Variants in DHODH observed in about 807,000 individuals in gnomAD.
DHODH encodes the protein dihydroorotate dehydrogenase (quinone), mitochondrial.
Under a neutral mutation model 39.7 loss-of-function variants are expected in DHODH, and 30 were observed. The ratio of observed to expected loss-of-function variants is 0.76; its 90% CI spans 0.57 to 1.02. DHODH has a LOEUF of 1.02. Among genes scored for constraint, DHODH ranks in the 50% least tolerant of loss-of-function variants. DHODH has a pLI of 0.00. For synonymous variants in DHODH, 222 were observed against 213.8 expected (o/e 1.04, Z -0.34); for missense variants, 531 against 520.8 (o/e 1.02, Z -0.19).
Position 72,023,471 on chromosome 16 carries a change from T to C in DHODH, c.974-3T>C. 6.2e-7 allele frequency: 1 copy of C among 1,614,146 alleles called. No homozygotes were observed. The highest frequency in any genetic ancestry group is 1.1e-5 in the South Asian group (1 of 91,084). ...TATGGTGTCGCCATGTGCTTCTCTG[T>C]AGGCCGAGTTCCCATAATTGGGGTT... On this transcript the variant is annotated splice_polypyrimidine_tract_variant and splice_region_variant and intron_variant, in intron 7 of 8. Transcript: ENST00000219240.
At chr16:72,016,608 G>A (rs533732239) in intron 3 of DHODH, 53 of 321,692 alleles carry the variant, frequency 1.6e-4, no homozygotes, top group South Asian at 1.4e-3. Flanking sequence ...GAGAGGGAGC[G>A]TTTGCTCTGA....
At position 72,008,754 on chromosome 16, in the gene DHODH, A is replaced by G. The variant is rs755565137; in HGVS notation, c.-11A>G. 100 of 1,551,484 alleles carry G rather than the reference A, an allele frequency of 6.4e-5. No individual in the cohort carries two copies. The highest frequency in any genetic ancestry group is 8.5e-5 in the Non-Finnish European group (97 of 1,146,982). On this transcript the variant is annotated 5_prime_UTR_variant, in exon 1 of 9. Transcript: ENST00000219240. ...AAGGGAGACAGGGGCGGGCTTAATG[A>G]CGGAAGGAGCATGGCGTGGAGACAC...
chr16:72,016,850 G>A, intron 3 of DHODH, 174 bp from the exon 4 acceptor site: 1 of 664,978 alleles, frequency 1.5e-6, no homozygotes, highest in African/African-American at 1.8e-5. Context: ...CTTTCCCTGG[G>A]TATTGGATGG....
At chr16:72,014,377 T>G (rs2041116504) in intron 2 of DHODH, 96 bp from the exon 3 acceptor site, 2 of 1,275,818 alleles carry the variant, frequency 1.6e-6, no homozygotes, top group Admixed American at 3.5e-5. Flanking sequence ...TTCACAAGCT[T>G]CCCAGGTCAT....
intron 3 of DHODH, 147 bp from the exon 4 acceptor site, chr16:72,016,877 C>T (rs2041147035): frequency 6.8e-6 from 5 of 734,476 alleles, no homozygotes; most frequent in Non-Finnish European, 1.2e-5. Flanking sequence ...GGCAAGTTCT[C>T]TAGGAGTCCC....
At position 72,024,549 on chromosome 16, in the gene DHODH, G is replaced by A. The variant is rs930830116; in HGVS notation, c.*350G>A. 6.4e-5 allele frequency: 24 copies of A among 377,490 alleles called. No homozygotes were observed. Among genetic ancestry groups the A allele is most frequent in the South Asian group, 5.0e-4 (20 of 40,130 alleles). 23.4% of individuals were successfully genotyped at this position (377,490 alleles called of 1,614,324 possible). On this transcript the variant is annotated 3_prime_UTR_variant, in exon 9 of 9. Transcript: ENST00000219240. ...TCTGGTTTGCCATAGGCCCTGCCAA[G>A]ATACTGCAGGTCCATCCAGGCCTCT...
At chr16:72,013,162 CTCT>C (rs67332755) in intron 2 of DHODH, among the ~76,000 whole-genome samples, 18,503 of 152,038 alleles carry the variant, frequency 0.12, 1,991 homozygotes, top group African/African-American at 0.3. Flanking sequence ...CCTTAGACTC[CTCT>C]TCACTATCTG....
rs769420197 is a variant in DHODH at position 72,014,689 on chromosome 16, G to C, written c.434+17G>C. The C allele has an allele frequency of 4.3e-6, 7 of 1,613,502 alleles. No homozygotes were observed. Among genetic ancestry groups the C allele is most frequent in the Middle Eastern group, 1.7e-4 (1 of 5,892 alleles). On this transcript the variant is annotated intron_variant, in intron 3 of 8. Transcript: ENST00000219240. ...CATTAACAGGTAGGTGAGCGGCCCAGAGTTAACGGGGGATGCCCTCTTTCC... is the reference window on the plus strand; with the variant it reads ...CATTAACAGGTAGGTGAGCGGCCCACAGTTAACGGGGGATGCCCTCTTTCC...
At position 72,014,649 on chromosome 16, in the gene DHODH, T is replaced by C. The variant is rs2143976804; in HGVS notation, c.411T>C (p.Pro137=). Residue 137 remains proline (P), a synonymous_variant, in exon 3 of 9, where the codon CCT becomes CCC. Transcript: ENST00000219240. ...GNPRPRVFRL[P]EDQAVINRYG... ...CTAGACCCAGAGTCTTCCGCCTCCC[T>C]GAGGACCAAGCTGTCATTAACAGGT... The C allele has an allele frequency of 6.2e-7, 1 of 1,614,138 alleles. No individual in the cohort carries two copies. Among genetic ancestry groups the C allele is most frequent in the Non-Finnish European group, 8.5e-7 (1 of 1,180,010 alleles).
Position 72,023,199 on chromosome 16 carries a change from C to G in DHODH, c.854C>G (p.Thr285Ser), listed in dbSNP as rs1264755994. The G allele has an allele frequency of 6.2e-7, 1 of 1,614,196 alleles. No individual in the cohort carries two copies. Among genetic ancestry groups the G allele is most frequent in the Admixed American group, 1.7e-5 (1 of 60,026 alleles). The change falls in exon 7 of 9, where the codon ACC becomes AGC. Residue 285 changes from threonine (T) to serine (S), a missense_variant. By Grantham distance (58) the Thr-to-Ser change is moderately conservative. Coordinates refer to ENST00000219240, the MANE Select transcript of DHODH (RefSeq NM_001361.5). ...GATGGGCTGATTGTTACGAACACCA[C>G]CGTGAGTCGCCCTGCGGGCCTCCAG... ...GIDGLIVTNT[T>S]VSRPAGLQGA...
intron 2 of DHODH, among the ~76,000 whole-genome samples, chr16:72,013,019 C>G (rs987636092): frequency 1.3e-5 from 2 of 152,170 alleles, no homozygotes; most frequent in Admixed American, 1.3e-4. Flanking sequence ...AGTTTCCTTT[C>G]GAGAGGCTTC....
At chr16:72,019,661 C>A (rs576607270) in intron 4 of DHODH, among the ~76,000 whole-genome samples, 2 of 152,270 alleles carry the variant, frequency 1.3e-5, no homozygotes, top group African/African-American at 4.8e-5. Context: ...TAAACTGAGA[C>A]CCTCTTGAGA....
rs115737258 is a variant in DHODH, at chr16:72,018,656, C to T, written c.517+1550C>T. On this transcript the variant is annotated intron_variant, in intron 4 of 8. Transcript: ENST00000219240. ...GCGGAGCCTGCAGCAGTGCTCTGCA[C>T]GGATGTGTCTGCCAGCAGCTTAGGG... Among the ~76,000 whole-genome samples the T allele has an allele frequency of 4.3e-3, 648 of 152,268 alleles. 2 individuals are homozygous for T. Among genetic ancestry groups the T allele is most frequent in the African/African-American group, 0.015 (606 of 41,546 alleles).
intron 6 of DHODH, 97 bp from the exon 7 acceptor site, chr16:72,023,068 G>A: frequency 8.0e-7 from 1 of 1,247,410 alleles, no homozygotes. Context: ...CTGTAGGTGT[G>A]GGTACCTGGC....
chr16:72,016,403 AGG>A (rs1222200876), intron 3 of DHODH: 1 of 160,104 alleles, frequency 6.2e-6, no homozygotes, highest in Non-Finnish European at 1.4e-5. Context: ...TCCTGCCTTC[AGG>A]GAGTGTCTAG....
chr16:72,027,165 T>A lies in DHODH; in HGVS notation c.*2966T>A, dbSNP rs1597400110. On this transcript the variant is annotated 3_prime_UTR_variant, in exon 9 of 9. Coordinates refer to ENST00000219240, the MANE Select transcript of DHODH (RefSeq NM_001361.5). ...GCGCCTGCCACCATGCCTGGCTAGT[T>A]TTTTTGTATTTTAAGTAGAGACAGG... is the stretch of plus-strand genomic sequence containing the variant. 2 of 152,248 alleles carry A rather than the reference T, an allele frequency of 1.3e-5. No homozygotes were observed. The highest frequency in any genetic ancestry group is 6.6e-5 in the Admixed American group (1 of 15,254). 9.4% of individuals were successfully genotyped at this position (152,248 alleles called of 1,614,324 possible).
At chr16:72,019,119 C>G (rs1310726422) in intron 4 of DHODH, among the ~76,000 whole-genome samples, 1 of 152,118 alleles carries the variant, frequency 6.6e-6, no homozygotes, top group Non-Finnish European at 1.5e-5. Context: ...CCATGCCTGA[C>G]TAATTTTTAT....
Position 72,025,432 on chromosome 16 carries a change from C to T in DHODH, c.*1233C>T, listed in dbSNP as rs1348729413. 6.6e-6 allele frequency: 1 copy of T among 152,238 alleles called. No individual in the cohort carries two copies. The highest frequency in any genetic ancestry group is 1.5e-5 in the Non-Finnish European group (1 of 68,058). The allele number at this position is 152,238 out of a possible 1,614,324, so 9.4% of individuals were successfully genotyped here. On this transcript the variant is annotated 3_prime_UTR_variant, in exon 9 of 9. Coordinates refer to ENST00000219240, the MANE Select transcript of DHODH (RefSeq NM_001361.5). ...TCTGCCATTTACTTTCTTCACTATT[C>T]TTATGTGGCATGGTTCATGCTGGGC...
chr16:72,021,776 C>A (rs573142522), intron 5 of DHODH, among the ~76,000 whole-genome samples: 1 of 152,276 alleles, frequency 6.6e-6, no homozygotes, highest in South Asian at 2.1e-4. Context: ...CCAGCCTGGG[C>A]AAAAGAGCAA....
Sources: allele counts gnomAD v4.1 joint callset (sites outside exome capture counted in the v4.1 genomes callset), GRCh38; gene constraint gnomAD v4.1.1; transcripts MANE v1.5; gene names NCBI Gene and HGNC (gene_info 2026-07-23, HGNC 2026-07-21).